The following GABRG2 variants were observed in gnomAD, a reference collection of about 807,000 sequenced individuals.
GABRG2 encodes gamma-aminobutyric acid type A receptor subunit gamma2, also known as gamma-aminobutyric acid receptor subunit gamma-2.
A neutral mutation model predicts 56.4 loss-of-function variants in GABRG2; 16 were observed. The ratio of observed to expected loss-of-function variants is 0.28; its 90% CI spans 0.19 to 0.43. The LOEUF is 0.43. Among genes scored for constraint, GABRG2 ranks in the 20% least tolerant of loss-of-function variants. GABRG2 has a pLI of 1.00. For synonymous variants in GABRG2, 208 were observed against 205.5 expected (o/e 1.01, Z -0.10); for missense variants, 327 against 582.7 (o/e 0.56, Z 4.52).
Position 162,078,637 on chromosome 5 carries a change from C to A in GABRG2, c.107+10531C>A, listed in dbSNP as rs185270625. ...AGCCAGGATGGTCTCAATCTCCTGA[C>A]CTCCTGATCCACCCGCCTTGGCCTC... On this transcript the variant is annotated intron_variant, in intron 1 of 9. Coordinates refer to ENST00000639213, the MANE Select transcript of GABRG2 (RefSeq NM_198904.4). Among the ~76,000 whole-genome samples the A allele has an allele frequency of 5.4e-4, 81 of 151,326 alleles. 1 individual carries two copies. The East Asian group carries it at 0.013, about 25-fold the overall frequency.
chr5:162,151,461 A>G, intron 8 of GABRG2: 1 of 363,150 alleles, frequency 2.8e-6, no homozygotes, highest in Non-Finnish European at 4.9e-6. Context: ...CTTCCTTGCA[A>G]TTGAACAACT....
chr5:162,144,650 C>T (rs556912765), intron 7 of GABRG2, among the ~76,000 whole-genome samples: 1 of 152,252 alleles, frequency 6.6e-6, no homozygotes, highest in East Asian at 1.9e-4. Context: ...AGTAGAGGTG[C>T]TGCAAGGTTA....
chr5:162,087,649 T>C (rs1198343552), intron 1 of GABRG2, among the ~76,000 whole-genome samples: 1 of 152,036 alleles, frequency 6.6e-6, no homozygotes, highest in African/African-American at 2.4e-5. Context: ...AATTCTAAGA[T>C]TTTGAATACG....
chr5:162,102,699 T>G lies in GABRG2; in HGVS notation c.632-1190T>G, dbSNP rs1296857465. 9.5e-6 allele frequency: 4 copies of G among 419,564 alleles called. No homozygotes were observed. The East Asian group carries it at 2.9e-4, about 30-fold the overall frequency. The allele number at this position is 419,564 out of a possible 1,614,324, so 26.0% of individuals were successfully genotyped here. A position where few individuals can be genotyped will look rare whatever the true frequency, so the allele number is the denominator to read the frequency against. On this transcript the variant is annotated intron_variant, in intron 5 of 9. Transcript: ENST00000639213. Reference sequence around the variant, plus strand: ...GCACGCACCACCATACCCAGCTAATTTCTGTATTTTTTGTAGAGATGGGGC... The same window carrying G: ...GCACGCACCACCATACCCAGCTAATGTCTGTATTTTTTGTAGAGATGGGGC...
chr5:162,107,002 TC>T (rs1403555792), intron 6 of GABRG2, among the ~76,000 whole-genome samples: 1 of 152,140 alleles, frequency 6.6e-6, no homozygotes, highest in Non-Finnish European at 1.5e-5. Flanking sequence ...CTCTCCTTCC[TC>T]CCAACCTCTG....
intron 1 of GABRG2, among the ~76,000 whole-genome samples, chr5:162,069,867 A>C (rs545088805): frequency 3.9e-4 from 60 of 152,268 alleles, no homozygotes; most frequent in African/African-American, 1.4e-3. Context: ...TTACTTACTA[A>C]AAGAAAATAT....
At chr5:162,117,136 G>A (rs1034415659) in intron 6 of GABRG2, among the ~76,000 whole-genome samples, 1 of 152,180 alleles carries the variant, frequency 6.6e-6, no homozygotes, top group African/African-American at 2.4e-5. Flanking sequence ...TTTCAGAAGA[G>A]CAGGTGAGAA....
intron 6 of GABRG2, among the ~76,000 whole-genome samples, chr5:162,126,435 A>C (rs1355909871): frequency 6.6e-6 from 1 of 151,924 alleles, no homozygotes; most frequent in South Asian, 2.1e-4. Flanking sequence ...TTTGACCTCT[A>C]TTGTGGGGGG....
At chr5:162,090,268 G>A (rs148920399) in intron 1 of GABRG2, among the ~76,000 whole-genome samples, 13 of 151,192 alleles carry the variant, frequency 8.6e-5, no homozygotes, top group African/African-American at 2.4e-4. Context: ...ACACGTACAC[G>A]TACACGTACA....
intron 1 of GABRG2, among the ~76,000 whole-genome samples, chr5:162,089,343 T>C (rs1282735880): frequency 6.6e-6 from 1 of 152,080 alleles, no homozygotes; most frequent in African/African-American, 2.4e-5. Flanking sequence ...TGTGAGAATC[T>C]AGAGTAGCAG....
intron 1 of GABRG2, among the ~76,000 whole-genome samples, chr5:162,086,828 TTTTA>T (rs1315219057): frequency 2.0e-5 from 3 of 152,090 alleles, no homozygotes; most frequent in African/African-American, 7.2e-5. Context: ...ATAAGCCATA[TTTTA>T]TTTATCAATT....
intron 6 of GABRG2, among the ~76,000 whole-genome samples, chr5:162,111,941 C>A (rs891083272): frequency 1.3e-5 from 2 of 152,026 alleles, no homozygotes. Flanking sequence ...TTAGATACAG[C>A]AAAAGTATAA....
intron 1 of GABRG2, among the ~76,000 whole-genome samples, chr5:162,069,970 A>T (rs187738250): frequency 3.3e-5 from 5 of 152,292 alleles, no homozygotes; most frequent in Admixed American, 2.6e-4. Flanking sequence ...TCTCCATCTT[A>T]GTAAACAGTT....
At chr5:162,101,887 T>C (rs73314618) in intron 5 of GABRG2, 2,450 of 155,496 alleles carry the variant, frequency 0.016, 63 homozygotes, top group African/African-American at 0.055. Flanking sequence ...TTTAGTAACC[T>C]TTACAAATAT....
At chr5:162,133,157 A>C (rs1237472485) in intron 6 of GABRG2, among the ~76,000 whole-genome samples, 3 of 152,058 alleles carry the variant, frequency 2.0e-5, no homozygotes, top group Non-Finnish European at 4.4e-5. Flanking sequence ...AAGGAAAAAA[A>C]AATCACTCAA....
intron 1 of GABRG2, among the ~76,000 whole-genome samples, chr5:162,070,088 TCTTCTTGTTGC>T (rs1277434492): frequency 2.6e-5 from 4 of 152,188 alleles, no homozygotes; most frequent in Non-Finnish European, 5.9e-5. Flanking sequence ...ATTTAAGATG[TCTTCTTGTTGC>T]CACAGCCCCA....
chr5:162,142,489 G>A (rs1764646443), intron 7 of GABRG2, 173 bp downstream of exon 7: 2 of 664,922 alleles, frequency 3.0e-6, no homozygotes. Flanking sequence ...GCAAAGACTT[G>A]GAACCAACCC....
At chr5:162,109,932 C>A (rs564197155) in intron 6 of GABRG2, among the ~76,000 whole-genome samples, 8 of 152,036 alleles carry the variant, frequency 5.3e-5, no homozygotes, top group Admixed American at 2.0e-4. Flanking sequence ...AGGAAATATA[C>A]CACATTTCTC....
intron 6 of GABRG2, among the ~76,000 whole-genome samples, chr5:162,119,883 T>C (rs1762870794): frequency 6.6e-6 from 1 of 152,168 alleles, no homozygotes; most frequent in South Asian, 2.1e-4. Context: ...TAATGCTGTT[T>C]AAGAGCTATT....
Sources: allele counts gnomAD v4.1 joint callset (sites outside exome capture counted in the v4.1 genomes callset), GRCh38; gene constraint gnomAD v4.1.1; transcripts MANE v1.5; gene names NCBI Gene and HGNC (gene_info 2026-07-23, HGNC 2026-07-21).